ANKRD22: variants seen among roughly 807,000 people sequenced by gnomAD.
ANKRD22 encodes ankyrin repeat domain-containing protein 22.
In ANKRD22, 24 loss-of-function variants were observed where a neutral mutation model predicts 25.7. That is an observed-to-expected ratio of 0.93 (90% CI 0.68 to 1.31). ANKRD22 has a LOEUF of 1.31. Ranked by LOEUF, ANKRD22 falls within the 50% of genes most tolerant of loss-of-function variation. The pLI is 0.00. For synonymous variants in ANKRD22, 84 were observed against 84.3 expected (o/e 1.00, Z 0.02); for missense variants, 214 against 227.1 (o/e 0.94, Z 0.37).
intron 1 of ANKRD22, among the ~76,000 whole-genome samples, chr10:88,838,283 G>A (rs192183801): frequency 1.3e-5 from 2 of 152,312 alleles, no homozygotes; most frequent in African/African-American, 4.8e-5. Context: ...TACAGAAAGT[G>A]AAGAGGGCAA....
rs753660153 is a variant in ANKRD22, at chr10:88,820,589, G to A, written c.*2352C>T. 1.4e-4 allele frequency: 187 copies of A among 1,296,612 alleles called. No individual in the cohort carries two copies. The highest frequency in any genetic ancestry group is 5.4e-4 in the Middle Eastern group (2 of 3,706). 80.3% of individuals were successfully genotyped at this position (1,296,612 alleles called of 1,614,324 possible). On this transcript the variant is annotated 3_prime_UTR_variant, in exon 6 of 6. Transcript: ENST00000371930. ...CAGAATTACGGAGAGCAGAGACCTA[G>A]TATACATTTTTCAGATTCCCTGCAC...
rs561172231 is a variant in ANKRD22 at position 88,826,329 on chromosome 10, A to T, written c.322-214T>A. ...GTGGTCCTGAAGTAGCGGCACTGAC[A>T]CCTAAGAACCTTAGAAATGTACTTC... On this transcript the variant is annotated intron_variant, in intron 3 of 5. Coordinates refer to ENST00000371930, the MANE Select transcript of ANKRD22 (RefSeq NM_144590.3). 2.6e-5 allele frequency among the ~76,000 whole-genome samples: 4 copies of T among 152,244 alleles called. No homozygotes were observed. The East Asian group carries it at 7.7e-4, about 29-fold the overall frequency.
chr10:88,850,623 A>G (rs1844095883), intron 1 of ANKRD22, among the ~76,000 whole-genome samples: 1 of 152,178 alleles, frequency 6.6e-6, no homozygotes, highest in South Asian at 2.1e-4. Flanking sequence ...TGGGCAGTCT[A>G]AAGTTTGAGA....
chr10:88,826,661 C>A (rs1843858929), intron 3 of ANKRD22, among the ~76,000 whole-genome samples: 1 of 152,202 alleles, frequency 6.6e-6, no homozygotes, highest in Admixed American at 6.5e-5. Flanking sequence ...CTCTTCTTTG[C>A]CTGGCATATT....
chr10:88,847,942 T>C (rs1011651312), intron 1 of ANKRD22, among the ~76,000 whole-genome samples: 2 of 151,848 alleles, frequency 1.3e-5, no homozygotes, highest in Non-Finnish European at 2.9e-5. Flanking sequence ...GAAAAAGATA[T>C]ATCACAGCCG....
chr10:88,849,853 T>C (rs1351488746), intron 1 of ANKRD22, among the ~76,000 whole-genome samples: 1 of 152,104 alleles, frequency 6.6e-6, no homozygotes, highest in Non-Finnish European at 1.5e-5. Context: ...CTAGTGCAGA[T>C]TTCAGGACCA....
rs1460626551 is a variant in ANKRD22 at position 88,828,546 on chromosome 10, GTGT to G, written c.321+10_321+12del. The G allele has an allele frequency of 4.5e-6, 7 of 1,558,928 alleles. No homozygotes were observed. Among genetic ancestry groups the G allele is most frequent in the South Asian group, 1.1e-5 (1 of 89,178 alleles). ...TCCACATTTGCCCTTTGCTCTACAAGTGTTGTACTCACCATGAGGAAATACCCA... is the reference window on the plus strand; with the variant it reads ...TCCACATTTGCCCTTTGCTCTACAAGTGTACTCACCATGAGGAAATACCCA... On this transcript the variant is annotated intron_variant, in intron 3 of 5. Transcript: ENST00000371930.
chr10:88,822,593 G>A lies in ANKRD22; in HGVS notation c.*348C>T. On this transcript the variant is annotated 3_prime_UTR_variant, in exon 6 of 6. Transcript: ENST00000371930. Reference sequence around the variant, plus strand: ...AGACAGGGTCTCGCTGTGTTGCCCTGGCTGCTCTCAAACTCCTGAGTTCAA... The same window carrying A: ...AGACAGGGTCTCGCTGTGTTGCCCTAGCTGCTCTCAAACTCCTGAGTTCAA... The A allele has an allele frequency of 9.7e-6, 1 of 103,100 alleles. No individual in the cohort carries two copies. The highest frequency in any genetic ancestry group is 1.9e-5 in the Non-Finnish European group (1 of 51,404). 6.4% of individuals were successfully genotyped at this position (103,100 alleles called of 1,614,324 possible).
intron 1 of ANKRD22, among the ~76,000 whole-genome samples, chr10:88,849,154 C>A (rs545519675): frequency 1.3e-5 from 2 of 152,142 alleles, no homozygotes; most frequent in African/African-American, 4.8e-5. Context: ...ACTGAAGAGA[C>A]CAAAAGTCTG....
intron 2 of ANKRD22, among the ~76,000 whole-genome samples, chr10:88,831,632 T>A (rs923589792): frequency 6.6e-6 from 1 of 152,210 alleles, no homozygotes; most frequent in Non-Finnish European, 1.5e-5. Context: ...AAATTATGCC[T>A]GCTGATTGAA....
At position 88,820,421 on chromosome 10, in the gene ANKRD22, C is replaced by T. The variant is rs532626102; in HGVS notation, c.*2520G>A. 2.7e-5 allele frequency: 42 copies of T among 1,551,960 alleles called. No individual in the cohort carries two copies. The African/African-American group carries it at 4.0e-4, about 15-fold the overall frequency. On this transcript the variant is annotated 3_prime_UTR_variant, in exon 6 of 6. Transcript: ENST00000371930. ...CATCTGGGGTTTGGATGCTCCTCAC[C>T]GTATGTACAATGAAATCATCCATCT...
intron 1 of ANKRD22, among the ~76,000 whole-genome samples, chr10:88,843,742 G>A (rs1216626560): frequency 6.6e-6 from 1 of 152,106 alleles, no homozygotes; most frequent in Non-Finnish European, 1.5e-5. Flanking sequence ...ATTTCATTGG[G>A]AGAATTATTT....
At chr10:88,843,797 T>A (rs149062767) in intron 1 of ANKRD22, among the ~76,000 whole-genome samples, 2 of 152,166 alleles carry the variant, frequency 1.3e-5, no homozygotes, top group African/African-American at 2.4e-5. Flanking sequence ...AGAAAACAAA[T>A]GTTTTATTCT....
intron 1 of ANKRD22, among the ~76,000 whole-genome samples, chr10:88,834,915 C>T (rs117175280): frequency 6.6e-6 from 1 of 151,198 alleles, no homozygotes; most frequent in African/African-American, 2.4e-5. Context: ...GGCGACACAG[C>T]GAAACTCTGC....
intron 1 of ANKRD22, among the ~76,000 whole-genome samples, chr10:88,845,355 T>C (rs1207461615): frequency 6.6e-6 from 1 of 152,126 alleles, no homozygotes; most frequent in Non-Finnish European, 1.5e-5. Flanking sequence ...TTTCCATGTC[T>C]AAACTCATCC....
At position 88,822,544 on chromosome 10, in the gene ANKRD22, C is replaced by CTTTTTTTTTTTTTTGTTTTT; in HGVS notation, c.*396_*397insAAAAACAAAAAAAAAAAAAA. 2.7e-5 allele frequency: 1 copy of CTTTTTTTTTTTTTTGTTTTT among 36,438 alleles called. No individual in the cohort carries two copies. Among genetic ancestry groups the CTTTTTTTTTTTTTTGTTTTT allele is most frequent in the East Asian group, 7.3e-4 (1 of 1,370 alleles). 2.3% of individuals were successfully genotyped at this position (36,438 alleles called of 1,614,324 possible). A position where few individuals can be genotyped will look rare whatever the true frequency, so the allele number is the denominator to read the frequency against. ...AAAGACTGAGTTTGGAACACCAGGG[C>CTTTTTTTTTTTTTTGTTTTT]TTTTTTTTTTTTTTTTTTTTTTGAG... On this transcript the variant is annotated 3_prime_UTR_variant, in exon 6 of 6. Coordinates refer to ENST00000371930, the MANE Select transcript of ANKRD22 (RefSeq NM_144590.3).
chr10:88,833,536 A>G (rs183217380), intron 1 of ANKRD22, among the ~76,000 whole-genome samples: 103 of 152,342 alleles, frequency 6.8e-4, no homozygotes, highest in Admixed American at 1.1e-3. Flanking sequence ...ACTGGGACGT[A>G]TCAAGGGGAA....
Position 88,840,749 on chromosome 10 carries a change from C to A in ANKRD22, c.22-8723G>T, listed in dbSNP as rs143520898. 6.1e-3 allele frequency among the ~76,000 whole-genome samples: 936 copies of A among 152,196 alleles called. 10 individuals are homozygous for A. Among genetic ancestry groups the A allele is most frequent in the African/African-American group, 0.021 (862 of 41,526 alleles). ...TTTTCTTTCTCTTCAAGTTAAGAAA[C>A]CTTGGAGAATGATAATAAAAACCTA... On this transcript the variant is annotated intron_variant, in intron 1 of 5. Coordinates refer to ENST00000371930, the MANE Select transcript of ANKRD22 (RefSeq NM_144590.3).
chr10:88,822,044 A>G lies in ANKRD22; in HGVS notation c.*897T>C, dbSNP rs1589320534. ...CTAACAAGCTTGGCAACCACCTTGT[A>G]TTTACAAAAGGATCATGAAGATTTT... On this transcript the variant is annotated 3_prime_UTR_variant, in exon 6 of 6. Transcript: ENST00000371930. 6.6e-6 allele frequency: 1 copy of G among 152,370 alleles called. No homozygotes were observed. The highest frequency in any genetic ancestry group is 2.4e-5 in the African/African-American group (1 of 41,596). 9.4% of individuals were successfully genotyped at this position (152,370 alleles called of 1,614,324 possible). A position where few individuals can be genotyped will look rare whatever the true frequency, so the allele number is the denominator to read the frequency against.
Sources: allele counts gnomAD v4.1 joint callset (sites outside exome capture counted in the v4.1 genomes callset), GRCh38; gene constraint gnomAD v4.1.1; transcripts MANE v1.5; gene names NCBI Gene and HGNC (gene_info 2026-07-23, HGNC 2026-07-21).